PURB: variants seen among roughly 807,000 people sequenced by gnomAD.
The protein encoded by PURB is purine rich element binding protein B, also known as transcriptional regulator protein Pur-beta.
Under a neutral mutation model 21.1 loss-of-function variants are expected in PURB, and 11 were observed. That is an observed-to-expected ratio of 0.52 (90% CI 0.33 to 0.86). The LOEUF (loss-of-function observed/expected upper bound fraction) is 0.86. Among genes scored for constraint, PURB ranks in the 40% least tolerant of loss-of-function variants. The pLI, the probability that PURB is intolerant of heterozygous loss-of-function variation, is 0.02. For missense variants in PURB, 357 were observed against 456.5 expected, an observed-to-expected ratio of 0.78 and a Z score of 1.99; for synonymous variants, 246 against 210.8, an observed-to-expected ratio of 1.17 and a Z score of -1.45.
At position 44,884,999 on chromosome 7, in the gene PURB, C is replaced by T; in HGVS notation, c.350G>A (p.Arg117His). The stretch of plus-strand genomic sequence containing the variant: ...CACCAAGAATTCGCTCTTGAGCGCG[C>T]GCCGCGGCCCGCCGCCCTCCTCGGC... ...AGAEEGGGPR[R>H]ALKSEFLVRE... The change falls in exon 1 of 1, where the codon CGC (arginine) becomes CAC (histidine). Residue 117 changes from arginine to histidine, a missense_variant. Physicochemically the swap from Arg to His is conservative, Grantham distance 29. Transcript: ENST00000395699. 6.5e-7 allele frequency: 1 copy of T among 1,541,332 alleles called. No homozygotes were observed. The highest frequency in any genetic ancestry group is 1.2e-5 in the South Asian group (1 of 84,168).
rs1446070215 is a variant in PURB, at chr7:44,882,665, T to G, written c.*1745A>C. 1 of 152,122 alleles carries G rather than the reference T, an allele frequency of 6.6e-6. No homozygotes were observed. The highest frequency in any genetic ancestry group is 1.5e-5 in the Non-Finnish European group (1 of 68,024). 9.4% of individuals were successfully genotyped at this position (152,122 alleles called of 1,614,324 possible). A position where few individuals can be genotyped will look rare whatever the true frequency, so the allele number is the denominator to read the frequency against. ...CCAAAATAAGATAATAAAAAGGATA[T>G]GCAATAAATTAAAAAGGCAGCTCAA... On this transcript the variant is annotated 3_prime_UTR_variant, in exon 1 of 1. Transcript: ENST00000395699.
chr7:44,883,474 T>C lies in PURB; in HGVS notation c.*936A>G, dbSNP rs757938183. 1 of 152,650 alleles carries C rather than the reference T, an allele frequency of 6.6e-6. No individual in the cohort carries two copies. Among genetic ancestry groups the C allele is most frequent in the Non-Finnish European group, 1.5e-5 (1 of 68,044 alleles). The allele number at this position is 152,650 out of a possible 1,614,324, so 9.5% of individuals were successfully genotyped here. A position where few individuals can be genotyped will look rare whatever the true frequency, so the allele number is the denominator to read the frequency against. ...TCATTCATACCAAAGCATTTCTTGG[T>C]AATGACCTCCATATTTAGAGATCAG... On this transcript the variant is annotated 3_prime_UTR_variant, in exon 1 of 1. Transcript: ENST00000395699.
Position 44,884,285 on chromosome 7 carries a change from T to G in PURB, c.*125A>C, listed in dbSNP as rs117778349. 57,725 of 1,483,558 alleles carry G rather than the reference T, an allele frequency of 0.039. 1,260 individuals carry two copies. The highest frequency in any genetic ancestry group is 0.055 in the Middle Eastern group (296 of 5,410). The allele number at this position is 1,483,558 out of a possible 1,614,324, so 91.9% of individuals were successfully genotyped here. On this transcript the variant is annotated 3_prime_UTR_variant, in exon 1 of 1. Coordinates refer to ENST00000395699, the MANE Select transcript of PURB (RefSeq NM_033224.5). ...TATTTCTCTTAACTGTGTTACGTTT[T>G]GTTTTTTCCCTCTGCGGCCTCCCTT...
Position 44,883,514 on chromosome 7 carries a change from T to C in PURB, c.*896A>G, listed in dbSNP as rs1337244567. 2 of 152,666 alleles carry C rather than the reference T, an allele frequency of 1.3e-5. No homozygotes were observed. Among genetic ancestry groups the C allele is most frequent in the African/African-American group, 2.4e-5 (1 of 41,466 alleles). 9.5% of individuals were successfully genotyped at this position (152,666 alleles called of 1,614,324 possible). A position where few individuals can be genotyped will look rare whatever the true frequency, so the allele number is the denominator to read the frequency against. On this transcript the variant is annotated 3_prime_UTR_variant, in exon 1 of 1. Coordinates refer to ENST00000395699, the MANE Select transcript of PURB (RefSeq NM_033224.5). ...TTAGAGATCAGGGGAACAACTTTAG[T>C]GAGCAGCAACCAATCCACTCAAACA...
At position 44,883,519 on chromosome 7, in the gene PURB, A is replaced by G. The variant is rs1002280234; in HGVS notation, c.*891T>C. The G allele has an allele frequency of 5.9e-5, 9 of 152,784 alleles. No homozygotes were observed. The highest frequency in any genetic ancestry group is 5.8e-4 in the East Asian group (3 of 5,176). 9.5% of individuals were successfully genotyped at this position (152,784 alleles called of 1,614,324 possible). Reference sequence around the variant, plus strand: ...GATCAGGGGAACAACTTTAGTGAGCAGCAACCAATCCACTCAAACAGTCTG... The same window carrying G: ...GATCAGGGGAACAACTTTAGTGAGCGGCAACCAATCCACTCAAACAGTCTG... On this transcript the variant is annotated 3_prime_UTR_variant, in exon 1 of 1. Coordinates refer to ENST00000395699, the MANE Select transcript of PURB (RefSeq NM_033224.5).
rs746832439 is a variant in PURB at position 44,884,559 on chromosome 7, C to T, written c.790G>A (p.Ala264Thr). 2 of 1,614,212 alleles carry T rather than the reference C, an allele frequency of 1.2e-6. No homozygotes were observed. The highest frequency in any genetic ancestry group is 8.5e-7 in the Non-Finnish European group (1 of 1,180,044). Residue 264 changes from alanine to threonine, a missense_variant, in exon 1 of 1, where the codon GCC (alanine) becomes ACC (threonine). Transcript: ENST00000395699. ...AAGGCGCCTCCGAACTTGCCCCAGG[C>T]TTTGAAGGGTACGGTGATGGCATTG... is the stretch of plus-strand genomic sequence containing the variant. ...YRNAITVPFK[A>T]WGKFGGAFCR...
At position 44,880,514 on chromosome 7, in the gene PURB, T is replaced by C. The variant is rs946660491; in HGVS notation, c.*3896A>G. 8 of 151,990 alleles carry C rather than the reference T, an allele frequency of 5.3e-5. No individual in the cohort carries two copies. The highest frequency in any genetic ancestry group is 7.4e-5 in the Non-Finnish European group (5 of 67,820). The allele number at this position is 151,990 out of a possible 1,614,324, so 9.4% of individuals were successfully genotyped here. On this transcript the variant is annotated 3_prime_UTR_variant, in exon 1 of 1. Coordinates refer to ENST00000395699, the MANE Select transcript of PURB (RefSeq NM_033224.5). ...TTGTGTAGATTACATTCTACACCCC[T>C]GTAAAGCCAGTCAAGGTCACATTTA...
In PURB at chr7:44,883,139, T is replaced by C. The variant is rs1486205706; in HGVS notation, c.*1271A>G. 1 of 152,630 alleles carries C rather than the reference T, an allele frequency of 6.6e-6. No homozygotes were observed. The highest frequency in any genetic ancestry group is 1.9e-4 in the East Asian group (1 of 5,202). The allele number at this position is 152,630 out of a possible 1,614,324, so 9.5% of individuals were successfully genotyped here. ...TCATCCATCATTTGCCAACTCTGAT[T>C]GTGAGGTACTGATACAATGGATCAA... On this transcript the variant is annotated 3_prime_UTR_variant, in exon 1 of 1. Coordinates refer to ENST00000395699, the MANE Select transcript of PURB (RefSeq NM_033224.5).
At position 44,880,058 on chromosome 7, in the gene PURB, A is replaced by G. The variant is rs1038410070; in HGVS notation, c.*4352T>C. ...AAAAATAGTGGGACTTTACACCACTATATTCTAAAACCTGAGATTGGACAT... is the reference window on the plus strand; with the variant it reads ...AAAAATAGTGGGACTTTACACCACTGTATTCTAAAACCTGAGATTGGACAT... On this transcript the variant is annotated 3_prime_UTR_variant, in exon 1 of 1. Coordinates refer to ENST00000395699, the MANE Select transcript of PURB (RefSeq NM_033224.5). The G allele has an allele frequency of 1.4e-4, 21 of 152,210 alleles. No homozygotes were observed. Among genetic ancestry groups the G allele is most frequent in the African/African-American group, 5.1e-4 (21 of 41,448 alleles). 9.4% of individuals were successfully genotyped at this position (152,210 alleles called of 1,614,324 possible).
Position 44,884,573 on chromosome 7 carries a change from G to T in PURB, c.776C>A (p.Thr259Asn). Residue 259 changes from threonine (T) to asparagine (N), a missense_variant, in exon 1 of 1, where the codon ACC becomes AAC. Thr to Asn is a moderately conservative substitution (Grantham distance 65). Transcript: ENST00000395699. ...EVKPSYRNAI[T>N]VPFKAWGKFG... is the part of the protein sequence containing the mutation. ...CTTGCCCCAGGCTTTGAAGGGTACG[G>T]TGATGGCATTGCGGTAGGACGGCTT... is the stretch of plus-strand genomic sequence containing the variant. The T allele has an allele frequency of 6.2e-7, 1 of 1,614,202 alleles. No individual in the cohort carries two copies. The highest frequency in any genetic ancestry group is 8.5e-7 in the Non-Finnish European group (1 of 1,180,046).
rs1793856654 is a variant in PURB at position 44,880,151 on chromosome 7, C to G, written c.*4259G>C. On this transcript the variant is annotated 3_prime_UTR_variant, in exon 1 of 1. Coordinates refer to ENST00000395699, the MANE Select transcript of PURB (RefSeq NM_033224.5). Reference sequence around the variant, plus strand: ...TTCCTAAAAATATAAGATAACTCAACTGAATTAACTCCAGGGTCAAAAACA... The same window carrying G: ...TTCCTAAAAATATAAGATAACTCAAGTGAATTAACTCCAGGGTCAAAAACA... 6.6e-6 allele frequency: 1 copy of G among 152,170 alleles called. No homozygotes were observed. Among genetic ancestry groups the G allele is most frequent in the Non-Finnish European group, 1.5e-5 (1 of 68,040 alleles). 9.4% of individuals were successfully genotyped at this position (152,170 alleles called of 1,614,324 possible).
Position 44,882,437 on chromosome 7 carries a change from C to T in PURB, c.*1973G>A, listed in dbSNP as rs1793890854. 1 of 152,584 alleles carries T rather than the reference C, an allele frequency of 6.6e-6. No homozygotes were observed. The highest frequency in any genetic ancestry group is 1.5e-5 in the Non-Finnish European group (1 of 68,008). 9.5% of individuals were successfully genotyped at this position (152,584 alleles called of 1,614,324 possible). ...TGGATGATGAGAGTAGAGAAATAGT[C>T]TGAAAAGGGCACCAATGTTTGTGGC... On this transcript the variant is annotated 3_prime_UTR_variant, in exon 1 of 1. Coordinates refer to ENST00000395699, the MANE Select transcript of PURB (RefSeq NM_033224.5).
Position 44,877,213 on chromosome 7 carries a change from A to G in PURB, c.*7197T>C, listed in dbSNP as rs573897450. On this transcript the variant is annotated 3_prime_UTR_variant, in exon 1 of 1. Transcript: ENST00000395699. ...GGCAGTGAAGATTCCTATAGAACGG[A>G]AAGTATGTTATCTGGAAACAGAAGA... 6.6e-6 allele frequency: 1 copy of G among 152,536 alleles called. No individual in the cohort carries two copies. Among genetic ancestry groups the G allele is most frequent in the Non-Finnish European group, 1.5e-5 (1 of 68,040 alleles). The allele number at this position is 152,536 out of a possible 1,614,324, so 9.4% of individuals were successfully genotyped here.
At position 44,878,158 on chromosome 7, in the gene PURB, G is replaced by A. The variant is rs1793826769; in HGVS notation, c.*6252C>T. 1 of 152,118 alleles carries A rather than the reference G, an allele frequency of 6.6e-6. No homozygotes were observed. Among genetic ancestry groups the A allele is most frequent in the East Asian group, 1.9e-4 (1 of 5,202 alleles). 9.4% of individuals were successfully genotyped at this position (152,118 alleles called of 1,614,324 possible). A position where few individuals can be genotyped will look rare whatever the true frequency, so the allele number is the denominator to read the frequency against. ...GGCCTAAATGGATATTTTGGAAAAA[G>A]TTAGCTATTGAAGTGTTATTTAAGG... On this transcript the variant is annotated 3_prime_UTR_variant, in exon 1 of 1. Transcript: ENST00000395699.
chr7:44,879,713 A>C lies in PURB; in HGVS notation c.*4697T>G, dbSNP rs1276864579. On this transcript the variant is annotated 3_prime_UTR_variant, in exon 1 of 1. Transcript: ENST00000395699. ...TAGCAAAATGCATTCTGGATCAATA[A>C]TACAAACCTTCTAACATTAGCAAAG... is the stretch of plus-strand genomic sequence containing the variant. The C allele has an allele frequency of 5.2e-5, 8 of 152,650 alleles. No homozygotes were observed. The highest frequency in any genetic ancestry group is 1.9e-4 in the African/African-American group (8 of 41,450). The allele number at this position is 152,650 out of a possible 1,614,324, so 9.5% of individuals were successfully genotyped here.
rs1243825827 is a variant in PURB, at chr7:44,884,489, C to G, written c.860G>C (p.Arg287Thr). Residue 287 changes from arginine (R) to threonine (T), a missense_variant, in exon 1 of 1, where the codon AGG becomes ACG. Arg to Thr is a moderately conservative substitution (Grantham distance 71). Transcript: ENST00000395699. Reference sequence around the variant, plus strand: ...ACCACGTCGCTCATAAAGCTTATCCCTCTGTCGTTCCTGGATTTCTTTCAT... The same window carrying G: ...ACCACGTCGCTCATAAAGCTTATCCGTCTGTCGTTCCTGGATTTCTTTCAT... ...DEMKEIQERQ[R>T]DKLYERRGGG... The G allele has an allele frequency of 1.2e-6, 2 of 1,614,054 alleles. No individual in the cohort carries two copies. Among genetic ancestry groups the G allele is most frequent in the Non-Finnish European group, 1.7e-6 (2 of 1,180,022 alleles).
chr7:44,877,516 G>A lies in PURB; in HGVS notation c.*6894C>T, dbSNP rs909351689. ...ACCTACTGACTTTTAGAAATTCAGA[G>A]AGTAGGCTAGGCGTGATGGCTCATG... On this transcript the variant is annotated 3_prime_UTR_variant, in exon 1 of 1. Transcript: ENST00000395699. 20 of 152,332 alleles carry A rather than the reference G, an allele frequency of 1.3e-4. No individual in the cohort carries two copies. Among genetic ancestry groups the A allele is most frequent in the Admixed American group, 1.2e-3 (18 of 15,290 alleles). The allele number at this position is 152,332 out of a possible 1,614,324, so 9.4% of individuals were successfully genotyped here.
chr7:44,877,350 C>T lies in PURB; in HGVS notation c.*7060G>A, dbSNP rs977229772. 9 of 152,176 alleles carry T rather than the reference C, an allele frequency of 5.9e-5. No individual in the cohort carries two copies. The highest frequency in any genetic ancestry group is 4.4e-5 in the Non-Finnish European group (3 of 68,030). 9.4% of individuals were successfully genotyped at this position (152,176 alleles called of 1,614,324 possible). A position where few individuals can be genotyped will look rare whatever the true frequency, so the allele number is the denominator to read the frequency against. On this transcript the variant is annotated 3_prime_UTR_variant, in exon 1 of 1. Transcript: ENST00000395699. ...AAAAAAAGAAGTCCAGATACACTGA[C>T]GATCTTAGTTACTATTCAAATATTG... is the stretch of plus-strand genomic sequence containing the variant.
chr7:44,877,478 G>A lies in PURB; in HGVS notation c.*6932C>T, dbSNP rs750548093. On this transcript the variant is annotated 3_prime_UTR_variant, in exon 1 of 1. Coordinates refer to ENST00000395699, the MANE Select transcript of PURB (RefSeq NM_033224.5). Reference sequence around the variant, plus strand: ...CATACTGACTTAAAGCCAGTTTCTAGACTTTTTGGTCAACCTACTGACTTT... The same window carrying A: ...CATACTGACTTAAAGCCAGTTTCTAAACTTTTTGGTCAACCTACTGACTTT... 19 of 152,170 alleles carry A rather than the reference G, an allele frequency of 1.2e-4. No homozygotes were observed. The highest frequency in any genetic ancestry group is 2.2e-4 in the Non-Finnish European group (15 of 68,032). 9.4% of individuals were successfully genotyped at this position (152,170 alleles called of 1,614,324 possible). A position where few individuals can be genotyped will look rare whatever the true frequency, so the allele number is the denominator to read the frequency against.
Sources: allele counts gnomAD v4.1 joint callset, GRCh38; gene constraint gnomAD v4.1.1; transcripts MANE v1.5; gene names NCBI Gene and HGNC (gene_info 2026-07-23, HGNC 2026-07-21).